Variants in EXD3 observed in about 807,000 individuals in gnomAD.
EXD3 encodes exonuclease mut-7 homolog.
EXD3 carries 92 observed loss-of-function variants against 98.0 expected under a neutral mutation model. The ratio of observed to expected loss-of-function variants is 0.94; its 90% CI spans 0.79 to 1.12. The LOEUF (loss-of-function observed/expected upper bound fraction) is 1.12, where lower values mean the gene tolerates loss of function less well. Among genes scored for constraint, EXD3 ranks in the 50% most tolerant of loss-of-function variants. The probability of loss-of-function intolerance (pLI) is 0.00; values close to 1 mark genes in which losing one functional copy is unlikely to be tolerated. For synonymous variants in EXD3, 569 were observed against 526.0 expected (o/e 1.08, Z -1.12); for missense variants, 1,222 against 1,191.6 (o/e 1.03, Z -0.38).
intron 2 of EXD3, chr9:137,392,632 A>G (rs1028188896): frequency 4.4e-5 from 14 of 316,386 alleles, no homozygotes; most frequent in African/African-American, 1.5e-4. Flanking sequence ...CTAAAGCAGC[A>G]CAGAAAGGAT....
At chr9:137,391,098 C>G (rs1186873457) in intron 2 of EXD3, among the ~76,000 whole-genome samples, 2 of 152,076 alleles carry the variant, frequency 1.3e-5, no homozygotes, top group Non-Finnish European at 2.9e-5. Context: ...CTCCTTACCC[C>G]CCTCCCAGCA....
At chr9:137,419,256 T>C (rs1373655032) in intron 1 of EXD3, among the ~76,000 whole-genome samples, 1 of 152,272 alleles carries the variant, frequency 6.6e-6, no homozygotes, top group Non-Finnish European at 1.5e-5. Context: ...TACGATTATA[T>C]GTTAAACTGT....
At chr9:137,368,752 G>A (rs1174120182) in intron 5 of EXD3, among the ~76,000 whole-genome samples, 2 of 150,532 alleles carry the variant, frequency 1.3e-5, no homozygotes, top group Non-Finnish European at 3.0e-5. Flanking sequence ...GCGCAGGGCC[G>A]GGGGCCTTTC....
rs1833556934 is a variant in EXD3, at chr9:137,339,886, A to T, written c.1998+8185T>A. On this transcript the variant is annotated intron_variant, in intron 17 of 21. Transcript: ENST00000340951. ...ATTCGACACTGTCTTGGAGATCTTGACTAATGAAATAAGATAAAGAAGGAA... is the reference window on the plus strand; with the variant it reads ...ATTCGACACTGTCTTGGAGATCTTGTCTAATGAAATAAGATAAAGAAGGAA... 2.0e-5 allele frequency among the ~76,000 whole-genome samples: 3 copies of T among 152,216 alleles called. No individual in the cohort carries two copies. The South Asian group carries it at 6.2e-4, about 32-fold the overall frequency.
intron 19 of EXD3, among the ~76,000 whole-genome samples, chr9:137,310,694 C>T (rs927250722): frequency 2.0e-5 from 3 of 152,202 alleles, no homozygotes; most frequent in African/African-American, 4.8e-5. Flanking sequence ...GGGTCAGATA[C>T]CCAGGACTCC....
At position 137,395,666 on chromosome 9, in the gene EXD3, CT is replaced by C. The variant is rs1446704722; in HGVS notation, c.-47-263del. On this transcript the variant is annotated intron_variant, in intron 1 of 21. Coordinates refer to ENST00000340951, the MANE Select transcript of EXD3 (RefSeq NM_017820.5). The surrounding 1 kb of genome is among the most constrained non-coding windows in gnomAD (Gnocchi z 6.5). ...GGGAGGGCAGGGGGTGGGAGGGGCC[CT>C]GGGGGGGGGCACAGTAGACAGACCC... Among the ~76,000 whole-genome samples, 1 of 151,258 alleles carries C rather than the reference CT, an allele frequency of 6.6e-6. No individual in the cohort carries two copies. The highest frequency in any genetic ancestry group is 1.5e-5 in the Non-Finnish European group (1 of 67,730).
rs1042697583 is a variant in EXD3 at position 137,324,950 on chromosome 9, C to T, written c.1999-807G>A. 6.6e-6 allele frequency among the ~76,000 whole-genome samples: 1 copy of T among 152,152 alleles called. No individual in the cohort carries two copies. The highest frequency in any genetic ancestry group is 6.5e-5 in the Admixed American group (1 of 15,282). ...CTCGTGATCTGCCCGCCTCGGCCTCCCAAAGTGCTGGGATTACAGGTGTGA... is the reference window on the plus strand; with the variant it reads ...CTCGTGATCTGCCCGCCTCGGCCTCTCAAAGTGCTGGGATTACAGGTGTGA... On this transcript the variant is annotated intron_variant, in intron 17 of 21. Coordinates refer to ENST00000340951, the MANE Select transcript of EXD3 (RefSeq NM_017820.5). The surrounding 1 kb of genome is among the most constrained non-coding windows in gnomAD (Gnocchi z 4.1).
rs1040478512 is a variant in EXD3, at chr9:137,307,633, G to C, written c.2292C>G (p.Thr764=). Residue 764 remains threonine (T), a synonymous_variant, in exon 21 of 22, where the codon ACC becomes ACG. Transcript: ENST00000340951. ...EGPRSSGDEA[T]QSQAVQEPGP... ...CTGGCTCCTGCACCGCCTGGCTCTG[G>C]GTGGCCTCGTCACCTGTCAGTCAAG... is the stretch of plus-strand genomic sequence containing the variant. 1.2e-6 allele frequency: 2 copies of C among 1,610,104 alleles called. No individual in the cohort carries two copies. The highest frequency in any genetic ancestry group is 1.7e-6 in the Non-Finnish European group (2 of 1,179,698).
chr9:137,387,108 A>C (rs1247886875), intron 2 of EXD3, among the ~76,000 whole-genome samples: 10 of 101,562 alleles, frequency 9.8e-5, no homozygotes, highest in South Asian at 8.0e-4. Context: ...CCCGGCCCCT[A>C]CTCCTTGTCT....
chr9:137,410,505 A>AT (rs1161276942), intron 1 of EXD3, among the ~76,000 whole-genome samples: 5 of 150,332 alleles, frequency 3.3e-5, no homozygotes, highest in African/African-American at 1.2e-4. Context: ...AAAAAAAAAA[A>AT]TTAACAACCA....
At chr9:137,406,298 A>C (rs1837711457) in intron 1 of EXD3, among the ~76,000 whole-genome samples, 1 of 150,804 alleles carries the variant, frequency 6.6e-6, no homozygotes, top group Non-Finnish European at 1.5e-5. Flanking sequence ...AAGGAAAAAA[A>C]AAAGAAAAAG....
intron 17 of EXD3, among the ~76,000 whole-genome samples, chr9:137,332,325 C>T (rs2119154400): frequency 6.6e-6 from 1 of 152,334 alleles, no homozygotes; most frequent in African/African-American, 2.4e-5. Flanking sequence ...CGCAGTGGCT[C>T]ACGCCTGTAA....
chr9:137,396,671 C>G (rs758146562), intron 1 of EXD3, among the ~76,000 whole-genome samples: 6 of 152,218 alleles, frequency 3.9e-5, no homozygotes, highest in Non-Finnish European at 8.8e-5. Flanking sequence ...AAAAAAGTTA[C>G]GTGGACATCG....
At position 137,407,378 on chromosome 9, in the gene EXD3, C is replaced by T. The variant is rs978913838; in HGVS notation, c.-47-11974G>A. Among the ~76,000 whole-genome samples the T allele has an allele frequency of 1.3e-5, 2 of 152,216 alleles. No individual in the cohort carries two copies. The highest frequency in any genetic ancestry group is 2.4e-5 in the African/African-American group (1 of 41,454). On this transcript the variant is annotated intron_variant, in intron 1 of 21. Coordinates refer to ENST00000340951, the MANE Select transcript of EXD3 (RefSeq NM_017820.5). The surrounding 1 kb of genome is among the most constrained non-coding windows in gnomAD (Gnocchi z 4.4). Reference sequence around the variant, plus strand: ...CAGAGGTGACTGCTCCCCCGCGAAGCCCACCCACCTGAGGTCCTGGCCCCC... The same window carrying T: ...CAGAGGTGACTGCTCCCCCGCGAAGTCCACCCACCTGAGGTCCTGGCCCCC...
At chr9:137,369,169 A>C (rs1337734876) in intron 5 of EXD3, among the ~76,000 whole-genome samples, 1 of 99,524 alleles carries the variant, frequency 1.0e-5, no homozygotes, top group East Asian at 3.0e-4. Context: ...GGGCCGTGGG[A>C]AGGGGCGCAG....
At chr9:137,379,345 G>A (rs1336132077) in intron 3 of EXD3, among the ~76,000 whole-genome samples, 1 of 112,402 alleles carries the variant, frequency 8.9e-6, no homozygotes, top group African/African-American at 4.9e-5. Context: ...AGGGGTACAG[G>A]GTTTGCGGGT....
intron 8 of EXD3, 88 bp downstream of exon 8, chr9:137,356,173 TGAACAAC>T: frequency 1.1e-6 from 1 of 946,028 alleles, no homozygotes; most frequent in East Asian, 2.6e-5. Flanking sequence ...GGTTGGCACC[TGAACAAC>T]GGGCAGCCCC....
intron 10 of EXD3, chr9:137,353,932 AC>A (rs1834455979): frequency 9.7e-7 from 1 of 1,026,444 alleles, no homozygotes; most frequent in Non-Finnish European, 1.2e-6. Context: ...ATTCTTCAGG[AC>A]GTCCGCTGCC....
At chr9:137,346,238 C>CAAAAAAAAAAAAAAAAAAAAAAAAAAAAA (rs563761495) in intron 17 of EXD3, among the ~76,000 whole-genome samples, 8 of 13,614 alleles carry the variant, frequency 5.9e-4, no homozygotes, top group Non-Finnish European at 8.1e-4. Context: ...GACTCCGTCT[C>CAAAAAAAAAAAAAAAAAAAAAAAAAAAAA]AAAAAAAAAA....
Sources: allele counts gnomAD v4.1 joint callset (sites outside exome capture counted in the v4.1 genomes callset), GRCh38; gene constraint gnomAD v4.1.1; non-coding constraint Gnocchi (gnomAD v3.1); transcripts MANE v1.5; gene names NCBI Gene and HGNC (gene_info 2026-07-23, HGNC 2026-07-21).